IKZF2: variants seen among roughly 807,000 people sequenced by gnomAD.
IKZF2 encodes zinc finger protein Helios.
In IKZF2, 15 loss-of-function variants were observed where a neutral mutation model predicts 49.2. The ratio of observed to expected loss-of-function variants is 0.30; its 90% confidence interval spans 0.20 to 0.47. The LOEUF (loss-of-function observed/expected upper bound fraction) is 0.47, where lower values mean the gene tolerates loss of function less well. IKZF2 is among the 20% of genes least tolerant of loss of function. The probability of loss-of-function intolerance (pLI) is 1.00; values close to 1 mark genes in which losing one functional copy is unlikely to be tolerated. For synonymous variants in IKZF2, 227 were observed against 221.4 expected (o/e 1.03, Z -0.23); for missense variants, 567 against 664.6 (o/e 0.85, Z 1.61).
chr2:213,043,343 G>GA (rs1256451210), intron 6 of IKZF2, among the ~76,000 whole-genome samples: 1 of 152,062 alleles, frequency 6.6e-6, no homozygotes, highest in Non-Finnish European at 1.5e-5. Flanking sequence ...CCTACTAAAT[G>GA]AAAATCAAGA....
In IKZF2 at chr2:213,148,637, G is replaced by C. The variant is rs768719109; in HGVS notation, c.-8C>G. 4.3e-6 allele frequency: 7 copies of C among 1,610,610 alleles called. No homozygotes were observed. The Admixed American group carries it at 8.3e-5, about 19-fold the overall frequency. On this transcript the variant is annotated 5_prime_UTR_variant, in exon 3 of 9. Transcript: ENST00000434687. ...AATAGCCTCTGTTTCCATAGTCAAA[G>C]TGCAATGCTGCAAAACAAAAGATTA... is the stretch of plus-strand genomic sequence containing the variant.
chr2:213,151,725 TGCGGCGGCGGCGGCGGCGGGCGGCTG>T (rs1012774349), upstream of IKZF2: 1 of 145,786 alleles, frequency 6.9e-6, no homozygotes, highest in Non-Finnish European at 1.5e-5. Context: ...TGGCGGCGGC[TGCGGCGGCGGCGGCGGCGGGCGGCTG>T]GCGGCGGGCA....
chr2:213,021,923 A>ATTTTGTCT, intron 7 of IKZF2, 70 bp downstream of exon 7: 1 of 1,454,216 alleles, frequency 6.9e-7, no homozygotes, highest in Non-Finnish European at 9.3e-7. Flanking sequence ...ACAGCATAAG[A>ATTTTGTCT]TTTTATCTTC....
intron 4 of IKZF2, among the ~76,000 whole-genome samples, chr2:213,105,280 T>C (rs955382849): frequency 2.0e-5 from 3 of 152,088 alleles, no homozygotes; most frequent in African/African-American, 7.2e-5. Flanking sequence ...CTCCCAATCA[T>C]AGCCCGAAGA....
intron 4 of IKZF2, among the ~76,000 whole-genome samples, chr2:213,111,638 C>T (rs1017180965): frequency 1.3e-5 from 2 of 152,028 alleles, no homozygotes; most frequent in African/African-American, 4.8e-5. Flanking sequence ...ACAAAATCTA[C>T]CTAGTTTCTG....
At chr2:213,082,164 T>C (rs1704024037) in intron 4 of IKZF2, among the ~76,000 whole-genome samples, 1 of 152,202 alleles carries the variant, frequency 6.6e-6, no homozygotes, top group Admixed American at 6.5e-5. Flanking sequence ...TATACATTGT[T>C]ATGTGCTATA....
intron 4 of IKZF2, among the ~76,000 whole-genome samples, chr2:213,131,210 T>G (rs935292229): frequency 6.6e-6 from 1 of 152,076 alleles, no homozygotes; most frequent in Non-Finnish European, 1.5e-5. Flanking sequence ...TCTAAGAAAA[T>G]GGAGGTCTGG....
intron 4 of IKZF2, among the ~76,000 whole-genome samples, chr2:213,124,243 C>T (rs547501768): frequency 7.9e-4 from 79 of 99,614 alleles, no homozygotes; most frequent in African/African-American, 3.3e-3. Flanking sequence ...CATGCGCTCG[C>T]GCGCGCGCGC....
chr2:213,114,227 A>ATG (rs1366901560), intron 4 of IKZF2, among the ~76,000 whole-genome samples: 2 of 152,046 alleles, frequency 1.3e-5, no homozygotes, highest in East Asian at 1.9e-4. Context: ...AAAGGTGTGG[A>ATG]TGTGTGTGTG....
chr2:213,110,098 T>C (rs1190597705), intron 4 of IKZF2, among the ~76,000 whole-genome samples: 1 of 152,138 alleles, frequency 6.6e-6, no homozygotes, highest in East Asian at 1.9e-4. Flanking sequence ...GGCAAACAGT[T>C]GAAGGGCTGA....
intron 6 of IKZF2, among the ~76,000 whole-genome samples, chr2:213,032,566 T>C (rs1013052172): frequency 2.6e-5 from 4 of 152,084 alleles, no homozygotes; most frequent in Non-Finnish European, 5.9e-5. Context: ...AAATCTCATC[T>C]CTATAAACAA....
At chr2:213,062,692 T>C (rs557686054) in intron 4 of IKZF2, among the ~76,000 whole-genome samples, 3 of 152,104 alleles carry the variant, frequency 2.0e-5, no homozygotes, top group South Asian at 2.1e-4. Flanking sequence ...TTATAACTTA[T>C]AAGCATGAAC....
In IKZF2 at chr2:213,042,403, T is replaced by C. The variant is rs542115205; in HGVS notation, c.574+7310A>G. Among the ~76,000 whole-genome samples the C allele has an allele frequency of 2.0e-4, 30 of 152,330 alleles. 1 individual carries two copies. The highest frequency in any genetic ancestry group is 7.2e-4 in the African/African-American group (30 of 41,574). ...CTAATGGATAACCAAAAACACTGAA[T>C]TCTTGGAGCTCATACGTTCTTCTTT... On this transcript the variant is annotated intron_variant, in intron 6 of 8. Coordinates refer to ENST00000434687, the MANE Select transcript of IKZF2 (RefSeq NM_001387220.1).
chr2:213,035,175 G>A (rs1698877235), intron 6 of IKZF2, among the ~76,000 whole-genome samples: 1 of 152,088 alleles, frequency 6.6e-6, no homozygotes, highest in African/African-American at 2.4e-5. Context: ...CAGCATTTCT[G>A]TGAGTATATA....
intron 7 of IKZF2, 190 bp from the exon 8 acceptor site, chr2:213,014,124 TG>T: frequency 4.5e-6 from 2 of 448,492 alleles, no homozygotes; most frequent in East Asian, 6.7e-5. Context: ...CCAGAGGATT[TG>T]TTTTTATTTG....
intron 6 of IKZF2, among the ~76,000 whole-genome samples, chr2:213,038,586 A>G (rs1699283367): frequency 6.7e-6 from 1 of 150,230 alleles, no homozygotes; most frequent in Non-Finnish European, 1.5e-5. Flanking sequence ...AGTCATTACA[A>G]AAAAAAAAAG....
intron 7 of IKZF2, among the ~76,000 whole-genome samples, chr2:213,020,221 T>G (rs1367643314): frequency 6.6e-6 from 1 of 152,188 alleles, no homozygotes; most frequent in African/African-American, 2.4e-5. Flanking sequence ...TCAATTTAAA[T>G]AGTAACAGTG....
intron 1 of IKZF2, among the ~76,000 whole-genome samples, chr2:213,150,719 A>AGGG (rs2061256875): frequency 1.0e-5 from 1 of 95,690 alleles, no homozygotes; most frequent in African/African-American, 4.4e-5. Context: ...GGGGGCGGGT[A>AGGG]GAGGGGAGGG....
At chr2:213,106,646 AAAAAAAAAAAG>A (rs2059539882) in intron 4 of IKZF2, among the ~76,000 whole-genome samples, 1 of 151,492 alleles carries the variant, frequency 6.6e-6, no homozygotes, top group African/African-American at 2.4e-5. Flanking sequence ...CCTGTCTAAA[AAAAAAAAAAAG>A]AAAAAAGAAA....
Sources: allele counts gnomAD v4.1 joint callset (sites outside exome capture counted in the v4.1 genomes callset), GRCh38; gene constraint gnomAD v4.1.1; transcripts MANE v1.5; gene names NCBI Gene and HGNC (gene_info 2026-07-23, HGNC 2026-07-21).